Variants in PRSS23 observed in about 807,000 individuals in gnomAD.
PRSS23 encodes the protein serine protease 23, also known as protease, serine 23.
A neutral mutation model predicts 34.7 loss-of-function variants in PRSS23; 25 were observed. The ratio of observed to expected loss-of-function variants is 0.72; its 90% CI spans 0.53 to 1.01. The LOEUF (loss-of-function observed/expected upper bound fraction) is 1.01, where lower values mean the gene tolerates loss of function less well. Among genes scored for constraint, PRSS23 ranks in the 50% least tolerant of loss-of-function variants. PRSS23 has a pLI of 0.00. For missense variants in PRSS23, 445 were observed against 475.6 expected, an observed-to-expected ratio of 0.94 and a Z score of 0.60; for synonymous variants, 176 against 186.6, an observed-to-expected ratio of 0.94 and a Z score of 0.46.
intron 2 of PRSS23, chr11:86,910,178 C>CCTGTAAGATCTG (rs1458524289): frequency 6.6e-6 from 1 of 152,146 alleles, no homozygotes; most frequent in Non-Finnish European, 1.5e-5. Context: ...TCAGATTGCT[C>CCTGTAAGATCTG]CTGTAAGATC....
At chr11:86,925,587 A>G (rs922183700) in intron 2 of PRSS23, among the ~76,000 whole-genome samples, 5 of 152,174 alleles carry the variant, frequency 3.3e-5, no homozygotes, top group Non-Finnish European at 7.3e-5. Flanking sequence ...CCCTTCTTGA[A>G]AGTATTCAGA....
At chr11:86,860,519 C>T (rs1248969962) in intron 2 of PRSS23, among the ~76,000 whole-genome samples, 1 of 151,884 alleles carries the variant, frequency 6.6e-6, no homozygotes, top group African/African-American at 2.4e-5. Context: ...GTTGTACACC[C>T]CCTGTGATAT....
intron 2 of PRSS23, among the ~76,000 whole-genome samples, chr11:86,887,119 T>C (rs191675784): frequency 6.6e-6 from 1 of 152,338 alleles, no homozygotes; most frequent in East Asian, 1.9e-4. Context: ...GATCACTATA[T>C]AGCAGAACTC....
exon 3 of PRSS23, chr11:86,952,456 A>T: frequency 6.2e-7 from 1 of 1,613,732 alleles, no homozygotes; most frequent in Non-Finnish European, 8.5e-7. Context: ...GCACATAAAC[A>T]GAACAAAGGA....
At chr11:86,925,632 A>G (rs2156170) in intron 2 of PRSS23, among the ~76,000 whole-genome samples, 89,161 of 152,006 alleles carry the variant, frequency 0.59, 26,656 homozygotes, top group Non-Finnish European at 0.65. Flanking sequence ...TTTACTGAGC[A>G]CTCTCTATGT....
rs1050366078 is a variant in PRSS23, at chr11:86,839,149, C to T, written c.206+15556C>T. Among the ~76,000 whole-genome samples the T allele has an allele frequency of 7.9e-5, 12 of 151,990 alleles. No homozygotes were observed. In the South Asian group the frequency reaches 1.3e-3, roughly 16 times the overall value. On this transcript the variant is annotated intron_variant, in intron 2 of 2. Coordinates refer to the PRSS23 transcript ENST00000533902. ...AAAACTGGATGGAGAATGAGCTTAA[C>T]GAGTTGACAGAAGTAGACTTCAGAA...
chr11:86,895,723 G>A (rs1390085191), intron 2 of PRSS23, among the ~76,000 whole-genome samples: 6 of 152,034 alleles, frequency 3.9e-5, no homozygotes, highest in Admixed American at 2.6e-4. Context: ...CAAGTGATCG[G>A]CCCACTTTGG....
chr11:86,852,027 A>C (rs976562397), intron 2 of PRSS23, among the ~76,000 whole-genome samples: 1 of 152,104 alleles, frequency 6.6e-6, no homozygotes, highest in Non-Finnish European at 1.5e-5. Context: ...CCATCTGCCC[A>C]CTGCACTCTC....
chr11:86,853,740 G>A (rs1948548258), intron 2 of PRSS23, among the ~76,000 whole-genome samples: 1 of 152,012 alleles, frequency 6.6e-6, no homozygotes, highest in African/African-American at 2.4e-5. Context: ...TTTTTGGGAG[G>A]TACCCACGAA....
In PRSS23 at chr11:86,809,962, C is replaced by G. The variant is rs556361020; in HGVS notation, c.*1167C>G. 1.2e-5 allele frequency: 2 copies of G among 167,070 alleles called. No homozygotes were observed. The highest frequency in any genetic ancestry group is 3.9e-4 in the East Asian group (2 of 5,190). 10.3% of individuals were successfully genotyped at this position (167,070 alleles called of 1,614,324 possible). On this transcript the variant is annotated 3_prime_UTR_variant, in exon 2 of 2. Coordinates refer to ENST00000280258, the MANE Select transcript of PRSS23 (RefSeq NM_007173.6). ...ATACTTGGAAGTTACTTTAAGAAAACCAGTGTGGCCTTTTTCCCTCTAGCT... is the reference window on the plus strand; with the variant it reads ...ATACTTGGAAGTTACTTTAAGAAAAGCAGTGTGGCCTTTTTCCCTCTAGCT...
At chr11:86,855,206 A>T (rs1236373252) in intron 2 of PRSS23, among the ~76,000 whole-genome samples, 1 of 152,040 alleles carries the variant, frequency 6.6e-6, no homozygotes, top group Non-Finnish European at 1.5e-5. Flanking sequence ...TTCGAGTCCC[A>T]GTCTAGCCTC....
At chr11:86,857,832 G>C (rs572362943) in intron 2 of PRSS23, 1 of 606,370 alleles carries the variant, frequency 1.6e-6, no homozygotes, top group East Asian at 5.3e-5. Context: ...TGGAGAGGAA[G>C]AAGTACATGG....
At chr11:86,856,451 G>A (rs1232244793) in intron 2 of PRSS23, among the ~76,000 whole-genome samples, 1 of 151,074 alleles carries the variant, frequency 6.6e-6, no homozygotes, top group Admixed American at 6.6e-5. Context: ...GTTGAGAACC[G>A]AACCGGTGAC....
Position 86,818,019 on chromosome 11 carries a change from G to C in PRSS23, c.-11-5358G>C, listed in dbSNP as rs192073529. 6.6e-5 allele frequency among the ~76,000 whole-genome samples: 10 copies of C among 152,338 alleles called. No homozygotes were observed. The East Asian group carries it at 1.5e-3, about 24-fold the overall frequency. ...AACTAACCATGCCTCCAGATTGGGA[G>C]TCAGGAGCCTCAGGGAAGGCAAATT... On this transcript the variant is annotated intron_variant, in intron 1 of 2. Coordinates refer to the PRSS23 transcript ENST00000533902.
At chr11:86,887,449 A>G (rs1948810555) in intron 2 of PRSS23, among the ~76,000 whole-genome samples, 1 of 152,190 alleles carries the variant, frequency 6.6e-6, no homozygotes, top group Non-Finnish European at 1.5e-5. Flanking sequence ...CGTCCCAGCA[A>G]AAAAGCCAGG....
intron 2 of PRSS23, among the ~76,000 whole-genome samples, chr11:86,919,849 G>C (rs1949036449): frequency 6.6e-6 from 1 of 152,126 alleles, no homozygotes; most frequent in Non-Finnish European, 1.5e-5. Flanking sequence ...ATCTTTGCCT[G>C]TTCCCCTGCC....
intron 2 of PRSS23, among the ~76,000 whole-genome samples, chr11:86,926,937 T>C (rs759977662): frequency 6.6e-6 from 1 of 152,174 alleles, no homozygotes; most frequent in Non-Finnish European, 1.5e-5. Flanking sequence ...AATCCCTTAA[T>C]TGGTTTGGAA....
At chr11:86,856,525 C>T (rs952771385) in intron 2 of PRSS23, among the ~76,000 whole-genome samples, 5 of 152,156 alleles carry the variant, frequency 3.3e-5, no homozygotes, top group Non-Finnish European at 7.3e-5. Context: ...GGAAATTCCA[C>T]ATGAACTGTG....
intron 2 of PRSS23, among the ~76,000 whole-genome samples, chr11:86,893,738 T>A (rs1256163678): frequency 6.6e-6 from 1 of 152,204 alleles, no homozygotes; most frequent in African/African-American, 2.4e-5. Flanking sequence ...GTTAAAAATT[T>A]TTTTTAAATA....
Sources: gnomAD v4.1 joint callset for allele counts (sites outside exome capture counted in the v4.1 genomes callset) on GRCh38, gnomAD v4.1.1 for gene constraint, MANE v1.5 for transcripts, NCBI Gene and HGNC (gene_info 2026-07-23, HGNC 2026-07-21) for gene names.